Variants in UBE3A observed in about 807,000 individuals in gnomAD.
UBE3A encodes the protein ubiquitin protein ligase E3A, also known as ubiquitin-protein ligase E3A.
In UBE3A, 6 loss-of-function variants were observed where a neutral mutation model predicts 83.4. The observed-to-expected ratio is 0.07, with a 90% CI of 0.04 to 0.14. The LOEUF (loss-of-function observed/expected upper bound fraction) is 0.14. Among genes scored for constraint, UBE3A ranks in the 10% least tolerant of loss-of-function variants. UBE3A has a pLI of 1.00. For synonymous variants in UBE3A, 337 were observed against 355.4 expected, an observed-to-expected ratio of 0.95 and a Z score of 0.58; for missense variants, 456 against 1,036.1, an observed-to-expected ratio of 0.44 and a Z score of 7.69.
rs963024373 is a variant in UBE3A, at chr15:25,393,527, C to T, written c.62+11934G>A. On this transcript the variant is annotated intron_variant, in intron 4 of 12. Transcript: ENST00000648336. ...CCTCATTTATAGCTGACAAGAAGTT[C>T]TATGTACTAAAGGTAAACTATTCTC... Among the ~76,000 whole-genome samples, 30 of 152,004 alleles carry T rather than the reference C, an allele frequency of 2.0e-4. 1 individual carries two copies. The highest frequency in any genetic ancestry group is 2.4e-4 in the Non-Finnish European group (16 of 67,986).
chr15:25,394,140 C>T (rs1356779069), intron 4 of UBE3A, among the ~76,000 whole-genome samples: 2 of 152,094 alleles, frequency 1.3e-5, no homozygotes, highest in Non-Finnish European at 2.9e-5. Flanking sequence ...CCAACCAGTA[C>T]CTATTCTATT....
intron 1 of UBE3A, among the ~76,000 whole-genome samples, chr15:25,435,138 T>C (rs576573888): frequency 1.4e-4 from 21 of 150,780 alleles, no homozygotes; most frequent in Non-Finnish European, 3.1e-4. Context: ...ATCTTTACAG[T>C]AGCAGCTGGT....
chr15:25,339,004 A>ACTAT lies in UBE3A; in HGVS notation c.*129_*132dup, dbSNP rs1213204044. 3.2e-5 allele frequency: 33 copies of ACTAT among 1,032,860 alleles called. 1 individual carries two copies. The African/African-American group carries it at 3.7e-4, about 12-fold the overall frequency. 64.0% of individuals were successfully genotyped at this position (1,032,860 alleles called of 1,614,324 possible). A position where few individuals can be genotyped will look rare whatever the true frequency, so the allele number is the denominator to read the frequency against. ...CAGACATAGGTGACTACTGTGGTTGACTATCTTACAGCCTTTTTGTACTGG... is the reference window on the plus strand; with the variant it reads ...CAGACATAGGTGACTACTGTGGTTGACTATCTATCTTACAGCCTTTTTGTACTGG... On this transcript the variant is annotated 3_prime_UTR_variant, in exon 13 of 13. Coordinates refer to ENST00000648336, the MANE Select transcript of UBE3A (RefSeq NM_130839.5).
At chr15:25,386,389 G>C (rs1224103269) in intron 4 of UBE3A, among the ~76,000 whole-genome samples, 1 of 152,150 alleles carries the variant, frequency 6.6e-6, no homozygotes, top group Non-Finnish European at 1.5e-5. Context: ...CAGGGATTTG[G>C]AATTATCAAA....
At chr15:25,418,676 T>C (rs889806466) in intron 1 of UBE3A, 3 of 152,130 alleles carry the variant, frequency 2.0e-5, no homozygotes, top group African/African-American at 7.2e-5. Flanking sequence ...GTGTATACAT[T>C]TGTCACAGCT....
At chr15:25,342,610 A>C (rs2075030112) in intron 11 of UBE3A, among the ~76,000 whole-genome samples, 1 of 151,976 alleles carries the variant, frequency 6.6e-6, no homozygotes, top group African/African-American at 2.4e-5. Context: ...TCACATCTCT[A>C]AAAATCTACC....
At chr15:25,350,337 C>T (rs2076320707) in intron 11 of UBE3A, among the ~76,000 whole-genome samples, 1 of 151,422 alleles carries the variant, frequency 6.6e-6, no homozygotes, top group Non-Finnish European at 1.5e-5. Context: ...AACCAACTCT[C>T]CCTGCCCTGC....
chr15:25,390,026 A>AATTCAGCATATGAAAAGATGTCC (rs1266465916), intron 4 of UBE3A, among the ~76,000 whole-genome samples: 1 of 152,212 alleles, frequency 6.6e-6, no homozygotes, highest in African/African-American at 2.4e-5. Flanking sequence ...TACAGATGGC[A>AATTCAGCATATGAAAAGATGTCC]ATTCAGCATA....
chr15:25,430,732 A>C (rs1596497891), intron 1 of UBE3A, among the ~76,000 whole-genome samples: 1 of 152,150 alleles, frequency 6.6e-6, no homozygotes, highest in East Asian at 1.9e-4. Context: ...AAAGAAATGA[A>C]CTGAGAGCAA....
chr15:25,418,275 G>A (rs1210153058), intron 1 of UBE3A: 2 of 151,998 alleles, frequency 1.3e-5, no homozygotes, highest in Non-Finnish European at 1.5e-5. Context: ...AATGCTGAAA[G>A]AAAAACACAT....
At chr15:25,379,135 A>G (rs1240072576) in intron 4 of UBE3A, among the ~76,000 whole-genome samples, 1 of 152,172 alleles carries the variant, frequency 6.6e-6, no homozygotes, top group Non-Finnish European at 1.5e-5. Flanking sequence ...TCATGGTGAG[A>G]GTATTATTCT....
chr15:25,353,101 T>G (rs1356954231), intron 11 of UBE3A, among the ~76,000 whole-genome samples: 16 of 152,222 alleles, frequency 1.1e-4, no homozygotes, highest in Non-Finnish European at 2.4e-4. Flanking sequence ...ATATTGCTGT[T>G]ATACTCCTTG....
chr15:25,351,503 T>C (rs1198577795), intron 11 of UBE3A, among the ~76,000 whole-genome samples: 1 of 152,210 alleles, frequency 6.6e-6, no homozygotes, highest in Admixed American at 6.5e-5. Flanking sequence ...GGAATCTCAC[T>C]CTGTTGCCCA....
intron 3 of UBE3A, 34 bp from the exon 4 acceptor site, chr15:25,405,536 TA>T (rs755506955): frequency 1.9e-5 from 30 of 1,607,492 alleles, no homozygotes; most frequent in Non-Finnish European, 2.6e-5. Flanking sequence ...GTTAGCAAAA[TA>T]TTCCATATTC....
chr15:25,437,973 G>C (rs1895649872), intron 1 of UBE3A: 1 of 152,322 alleles, frequency 6.6e-6, no homozygotes, highest in Non-Finnish European at 1.5e-5. Context: ...AGAGTAACCT[G>C]TGCGCACAAC....
chr15:25,392,440 T>C (rs2084623100), intron 4 of UBE3A, among the ~76,000 whole-genome samples: 1 of 152,196 alleles, frequency 6.6e-6, no homozygotes, highest in Non-Finnish European at 1.5e-5. Flanking sequence ...TAAATTTCCC[T>C]TTGGACAGTT....
chr15:25,375,493 G>C lies in UBE3A; in HGVS notation c.333C>G (p.Asn111Lys), dbSNP rs1417154910. Residue 111 changes from asparagine to lysine, a missense_variant, in exon 5 of 13, where the codon AAC becomes AAG. Around this residue, in one of 13 missense-constraint regions of UBE3A, gnomAD observed 36 missense variants for 28.5 expected, o/e 1.26. Coordinates refer to ENST00000648336, the MANE Select transcript of UBE3A (RefSeq NM_130839.5). ...TAAAATCAATTCTAGCGCCTTTCTT[G>C]TTCATTTTTATCTCAGAGCAGGAGT... ...PNNSCSEIKMNKKGARIDFKD... is the reference protein window; with the variant it reads ...PNNSCSEIKMKKKGARIDFKD... 2.5e-6 allele frequency: 4 copies of C among 1,613,922 alleles called. No individual in the cohort carries two copies. Among genetic ancestry groups the C allele is most frequent in the Non-Finnish European group, 3.4e-6 (4 of 1,180,004 alleles).
chr15:25,423,531 T>C (rs1387936387), intron 1 of UBE3A, among the ~76,000 whole-genome samples: 1 of 152,204 alleles, frequency 6.6e-6, no homozygotes. Context: ...CATAACATCA[T>C]GAACTCTCAG....
At chr15:25,430,442 G>C (rs1157136956) in intron 1 of UBE3A, among the ~76,000 whole-genome samples, 1 of 148,590 alleles carries the variant, frequency 6.7e-6, no homozygotes, top group Non-Finnish European at 1.5e-5. Context: ...TTAAGAGAGA[G>C]ATTAGCCCCA....
Sources: allele counts gnomAD v4.1 joint callset (sites outside exome capture counted in the v4.1 genomes callset), GRCh38; gene constraint gnomAD v4.1.1; regional missense constraint gnomAD v4.1.1; transcripts MANE v1.5; gene names NCBI Gene and HGNC (gene_info 2026-07-23, HGNC 2026-07-21).